Variants in SCN10A observed in about 807,000 individuals in gnomAD.
SCN10A encodes sodium voltage-gated channel alpha subunit 10.
Under a neutral mutation model 170.7 loss-of-function variants are expected in SCN10A, and 162 were observed. The ratio of observed to expected loss-of-function variants is 0.95; its 90% CI spans 0.84 to 1.08. SCN10A has a LOEUF of 1.08. Among genes scored for constraint, SCN10A ranks in the 50% least tolerant of loss-of-function variants. SCN10A has a pLI of 0.00. For missense variants in SCN10A, 2,527 were observed against 2,436.9 expected, an observed-to-expected ratio of 1.04 and a Z score of -0.78; for synonymous variants, 985 against 904.6, an observed-to-expected ratio of 1.09 and a Z score of -1.59.
chr3:38,785,605 T>C (rs2064190015), intron 4 of SCN10A, among the ~76,000 whole-genome samples: 1 of 152,086 alleles, frequency 6.6e-6, no homozygotes, highest in African/African-American at 2.4e-5. Context: ...TCAAAAGCAA[T>C]GGTGACAAAA....
chr3:38,782,997 G>C (rs2064157093), intron 4 of SCN10A, among the ~76,000 whole-genome samples: 1 of 152,054 alleles, frequency 6.6e-6, no homozygotes, highest in Admixed American at 6.6e-5. Context: ...AGTTGGGTCT[G>C]GGAAAGACTC....
chr3:38,771,510 A>G, intron 4 of SCN10A, 103 bp from the exon 5 acceptor site: 2 of 1,180,018 alleles, frequency 1.7e-6, no homozygotes, highest in Non-Finnish European at 2.4e-6. Context: ...CTGCTCCAAG[A>G]AAAAACATGC....
intron 11 of SCN10A, among the ~76,000 whole-genome samples, chr3:38,753,671 G>A (rs1231417980): frequency 6.6e-6 from 1 of 152,096 alleles, no homozygotes; most frequent in Non-Finnish European, 1.5e-5. Context: ...GAGAAAAATT[G>A]ACACATCCAT....
chr3:38,730,583 G>C (rs1253282811), intron 15 of SCN10A, among the ~76,000 whole-genome samples: 2 of 152,044 alleles, frequency 1.3e-5, no homozygotes, highest in Non-Finnish European at 2.9e-5. Flanking sequence ...ATTAGTCAGA[G>C]ATAACAGTAT....
rs896981850 is a variant in SCN10A at position 38,789,012 on chromosome 3, G to T, written c.414C>A (p.Val138=). 1 of 1,611,642 alleles carries T rather than the reference G, an allele frequency of 6.2e-7. No homozygotes were observed. Among genetic ancestry groups the T allele is most frequent in the Non-Finnish European group, 8.5e-7 (1 of 1,178,028 alleles). Residue 138 remains valine, a synonymous_variant, in exon 4 of 28, where the codon GTC becomes GTA. Coordinates refer to ENST00000449082, the MANE Select transcript of SCN10A (RefSeq NM_006514.4). ...VHSWFSLFIT[V]TILVNCVCMT... Reference sequence around the variant, plus strand: ...TGCACACACAATTAACCAAAATAGTGACCGTAATAAATAAACTGAACCACC... The same window carrying T: ...TGCACACACAATTAACCAAAATAGTTACCGTAATAAATAAACTGAACCACC...
intron 15 of SCN10A, among the ~76,000 whole-genome samples, chr3:38,735,908 T>C (rs905825101): frequency 1.3e-5 from 2 of 152,208 alleles, no homozygotes; most frequent in African/African-American, 4.8e-5. Context: ...GCTAGGCCCT[T>C]GGGATAAAAC....
chr3:38,723,666 C>T lies in SCN10A; in HGVS notation c.3229-113G>A. 2.4e-6 allele frequency: 3 copies of T among 1,258,986 alleles called. No homozygotes were observed. In the South Asian group the frequency reaches 4.3e-5, roughly 18 times the overall value. 78.0% of individuals were successfully genotyped at this position (1,258,986 alleles called of 1,614,324 possible). ...ATGTTTGGTGCCTCGCCAGCTGAGG[C>T]CTGGAACACTGCTCTTCTCCCTGGA... On this transcript the variant is annotated intron_variant, in intron 18 of 27. Coordinates refer to ENST00000449082, the MANE Select transcript of SCN10A (RefSeq NM_006514.4).
intron 1 of SCN10A, among the ~76,000 whole-genome samples, chr3:38,812,713 A>T (rs2064448897): frequency 6.6e-6 from 1 of 152,078 alleles, no homozygotes; most frequent in African/African-American, 2.4e-5. Context: ...CTGGGCACAG[A>T]AACCTCTCCT....
At chr3:38,752,897 A>T (rs972558837) in intron 11 of SCN10A, among the ~76,000 whole-genome samples, 3 of 152,236 alleles carry the variant, frequency 2.0e-5, no homozygotes, top group African/African-American at 7.2e-5. Flanking sequence ...TTGTGACCTA[A>T]GGAGGCTACT....
rs1226335596 is a variant in SCN10A at position 38,697,945 on chromosome 3, T to C, written c.5275A>G (p.Ile1759Val). 2 of 1,614,034 alleles carry C rather than the reference T, an allele frequency of 1.2e-6. No homozygotes were observed. The highest frequency in any genetic ancestry group is 1.7e-6 in the Non-Finnish European group (2 of 1,180,002). The change falls in exon 28 of 28, where the codon ATT becomes GTT. Residue 1759 changes from isoleucine (I) to valine (V), a missense_variant. Transcript: ENST00000449082. ...EKFDPEATQFITFSALSDFAD... is the reference protein window; with the variant it reads ...EKFDPEATQFVTFSALSDFAD... Reference sequence around the variant, plus strand: ...AAGTCCGAGAGAGCAGAAAAGGTAATAAACTGAGTGGCCTCTGGGTCAAAC... The same window carrying C: ...AAGTCCGAGAGAGCAGAAAAGGTAACAAACTGAGTGGCCTCTGGGTCAAAC...
rs149167436 is a variant in SCN10A at position 38,716,693 on chromosome 3, T to G, written c.3681+1960A>C. On this transcript the variant is annotated intron_variant, in intron 21 of 27. Coordinates refer to ENST00000449082, the MANE Select transcript of SCN10A (RefSeq NM_006514.4). ...TAGGATAGATAGTTGAATGGAAGGA[T>G]GGGAGAAACAAACAAGAAAGGAAAA... 3.8e-3 allele frequency among the ~76,000 whole-genome samples: 578 copies of G among 152,028 alleles called. 1 individual carries two copies. Among genetic ancestry groups the G allele is most frequent in the Non-Finnish European group, 5.3e-3 (358 of 67,962 alleles).
chr3:38,765,774 T>C (rs1051946239), intron 5 of SCN10A, among the ~76,000 whole-genome samples: 1 of 152,184 alleles, frequency 6.6e-6, no homozygotes, highest in Non-Finnish European at 1.5e-5. Context: ...GGTACTTCAA[T>C]GGAAATTGTA....
intron 13 of SCN10A, among the ~76,000 whole-genome samples, chr3:38,745,678 T>A (rs1299526581): frequency 6.6e-6 from 1 of 152,254 alleles, no homozygotes; most frequent in East Asian, 1.9e-4. Flanking sequence ...ACTCCATTAA[T>A]CCTCTTTTGC....
chr3:38,734,069 T>C (rs2063536621), intron 15 of SCN10A, among the ~76,000 whole-genome samples: 1 of 152,244 alleles, frequency 6.6e-6, no homozygotes, highest in African/African-American at 2.4e-5. Flanking sequence ...TTGCCCAGGC[T>C]GGAGTGCAGT....
intron 1 of SCN10A, among the ~76,000 whole-genome samples, chr3:38,801,045 T>C (rs1254040429): frequency 6.6e-6 from 1 of 152,098 alleles, no homozygotes; most frequent in African/African-American, 2.4e-5. Flanking sequence ...AGCTGCTTGG[T>C]AGAGGCTGGT....
chr3:38,777,895 C>T (rs554097921), intron 4 of SCN10A, among the ~76,000 whole-genome samples: 133 of 152,028 alleles, frequency 8.7e-4, no homozygotes, highest in African/African-American at 3.2e-3. Context: ...CACACACATA[C>T]AAAAATAAAT....
chr3:38,737,061 C>G (rs1418615104), intron 15 of SCN10A, among the ~76,000 whole-genome samples: 1 of 144,630 alleles, frequency 6.9e-6, no homozygotes, highest in Non-Finnish European at 1.5e-5. Flanking sequence ...AGCTCCGCCT[C>G]CCAGGTTCAC....
At chr3:38,700,134 T>TAACC (rs1049447384) in intron 27 of SCN10A, among the ~76,000 whole-genome samples, 2 of 151,964 alleles carry the variant, frequency 1.3e-5, no homozygotes, top group African/African-American at 2.4e-5. Flanking sequence ...TGAAAACAAC[T>TAACC]AACCAACCAA....
In SCN10A at chr3:38,701,873, C is replaced by T. The variant is rs143688921; in HGVS notation, c.4623G>A (p.Val1541=). The change falls in exon 27 of 28, where the codon GTG becomes GTA. Residue 1541 remains valine, a synonymous_variant. Coordinates refer to ENST00000449082, the MANE Select transcript of SCN10A (RefSeq NM_006514.4). ...AGAGAACCACCACAATGAAGTCAAA[C>T]ACATTCCAGCCATTTGTGAAGTAGT... ...RQYYFTNGWN[V]FDFIVVVLSI... The T allele has an allele frequency of 1.2e-6, 2 of 1,613,110 alleles. No homozygotes were observed. Among genetic ancestry groups the T allele is most frequent in the African/African-American group, 2.7e-5 (2 of 74,914 alleles).
Sources: allele counts gnomAD v4.1 joint callset (sites outside exome capture counted in the v4.1 genomes callset), GRCh38; gene constraint gnomAD v4.1.1; transcripts MANE v1.5; gene names NCBI Gene and HGNC (gene_info 2026-07-23, HGNC 2026-07-21).